PARD3: variants seen among roughly 807,000 people sequenced by gnomAD.
PARD3 encodes par-3 family cell polarity regulator, also known as partitioning defective 3 homolog.
PARD3 carries 75 observed loss-of-function variants against 155.4 expected under a neutral mutation model. That is an observed-to-expected ratio of 0.48 (90% CI 0.40 to 0.58). The LOEUF is 0.58. Among genes scored for constraint, PARD3 ranks in the 20% least tolerant of loss-of-function variants. The pLI is 0.00. For missense variants in PARD3, 1,642 were observed against 1,721.7 expected, an observed-to-expected ratio of 0.95 and a Z score of 0.82; for synonymous variants, 576 against 610.5, an observed-to-expected ratio of 0.94 and a Z score of 0.83.
Position 34,368,118 on chromosome 10 carries a change from C to T in PARD3, c.1707+4380G>A, listed in dbSNP as rs559176176. Among the ~76,000 whole-genome samples the T allele has an allele frequency of 7.9e-5, 12 of 152,178 alleles. No individual in the cohort carries two copies. The South Asian group carries it at 1.9e-3, about 24-fold the overall frequency. On this transcript the variant is annotated intron_variant, in intron 12 of 24. Transcript: ENST00000374788. ...ACAAACAATTAGCCAGGCTTGGTGG[C>T]GCATGCCTGTAATTGCAACTACTCA...
At chr10:34,334,152 T>C (rs1269611859) in intron 18 of PARD3, among the ~76,000 whole-genome samples, 1 of 151,850 alleles carries the variant, frequency 6.6e-6, no homozygotes, top group Non-Finnish European at 1.5e-5. Context: ...CTAATCTCTA[T>C]ACTTCAAGAA....
chr10:34,429,364 A>T (rs1741733967), intron 5 of PARD3, among the ~76,000 whole-genome samples: 1 of 151,932 alleles, frequency 6.6e-6, no homozygotes, highest in South Asian at 2.1e-4. Flanking sequence ...GATGAGAAGC[A>T]TTAGAACCAC....
intron 2 of PARD3, among the ~76,000 whole-genome samples, chr10:34,576,336 G>C (rs2086886470): frequency 6.6e-6 from 1 of 152,098 alleles, no homozygotes; most frequent in Non-Finnish European, 1.5e-5. Flanking sequence ...CTGCTTGCTT[G>C]TGCATTCTCT....
chr10:34,142,655 G>T (rs564709079), intron 22 of PARD3, among the ~76,000 whole-genome samples: 9 of 151,700 alleles, frequency 5.9e-5, no homozygotes, highest in African/African-American at 2.2e-4. Context: ...AGGAAGGAAG[G>T]AAGGCAGGAA....
chr10:34,716,953 T>A (rs2094530789), intron 1 of PARD3, among the ~76,000 whole-genome samples: 3 of 151,290 alleles, frequency 2.0e-5, no homozygotes, highest in Admixed American at 2.0e-4. Flanking sequence ...TAATATCAGA[T>A]TTTTTTTTGC....
intron 22 of PARD3, among the ~76,000 whole-genome samples, chr10:34,156,500 T>C (rs1214576286): frequency 6.6e-6 from 1 of 152,134 alleles, no homozygotes; most frequent in Admixed American, 6.5e-5. Flanking sequence ...ATGGTCAAAC[T>C]AAAGGTATAA....
chr10:34,123,633 C>T (rs1947124025), intron 23 of PARD3, among the ~76,000 whole-genome samples: 1 of 151,860 alleles, frequency 6.6e-6, no homozygotes, highest in African/African-American at 2.4e-5. Context: ...CAGGGTCTTG[C>T]TGTGTTGCCC....
chr10:34,262,528 A>T (rs965588445), intron 22 of PARD3, among the ~76,000 whole-genome samples: 1 of 152,120 alleles, frequency 6.6e-6, no homozygotes, highest in African/African-American at 2.4e-5. Context: ...TGCTTCCCAA[A>T]ATGTGGGGAT....
intron 11 of PARD3, among the ~76,000 whole-genome samples, chr10:34,374,648 A>C (rs1049033524): frequency 3.9e-5 from 6 of 152,122 alleles, no homozygotes; most frequent in Non-Finnish European, 7.4e-5. Flanking sequence ...AAATATCCCT[A>C]CAGTCTGATG....
Position 34,399,358 on chromosome 10 carries a change from C to A in PARD3, c.862G>T (p.Val288Leu), listed in dbSNP as rs1189802246. The A allele has an allele frequency of 1.1e-5, 17 of 1,611,416 alleles. No individual in the cohort carries two copies. Among genetic ancestry groups the A allele is most frequent in the Non-Finnish European group, 1.4e-5 (17 of 1,177,560 alleles). ...PNDGGPLGIH[V>L]VPFSARGGRT... ...CCGCCTCGAGCACTGAAAGGCACTA[C>A]GTGGATTCCCAGAGGCCCTCCATCG... is the stretch of plus-strand genomic sequence containing the variant. The change falls in exon 7 of 25, where the codon GTA becomes TTA. Residue 288 changes from valine to leucine, a missense_variant. This residue lies in a region of PARD3 where 1,529 missense variants were observed against 1,587.3 expected (regional missense o/e 0.96). Coordinates refer to ENST00000374788, the MANE Select transcript of PARD3 (RefSeq NM_001184785.2).
intron 22 of PARD3, among the ~76,000 whole-genome samples, chr10:34,151,797 A>G (rs1038132139): frequency 6.6e-5 from 10 of 152,220 alleles, no homozygotes; most frequent in African/African-American, 2.2e-4. Context: ...TGGCTCCATG[A>G]TATGGCAACA....
At chr10:34,135,009 C>T (rs546662835) in intron 22 of PARD3, among the ~76,000 whole-genome samples, 3 of 152,160 alleles carry the variant, frequency 2.0e-5, no homozygotes, top group Non-Finnish European at 4.4e-5. Flanking sequence ...ACATCCTAAT[C>T]AACTTATATT....
chr10:34,461,677 T>C (rs145069379), intron 4 of PARD3, among the ~76,000 whole-genome samples: 76 of 152,316 alleles, frequency 5.0e-4, no homozygotes, highest in African/African-American at 1.6e-3. Flanking sequence ...TCAATGTATA[T>C]AGACTACGCA....
chr10:34,611,595 C>G (rs2090893524), intron 2 of PARD3, among the ~76,000 whole-genome samples: 2 of 152,054 alleles, frequency 1.3e-5, no homozygotes, highest in Non-Finnish European at 2.9e-5. Flanking sequence ...GAATCCCTTC[C>G]TTCTAGACTT....
At chr10:34,783,015 A>T (rs574993754) in intron 1 of PARD3, among the ~76,000 whole-genome samples, 1 of 152,216 alleles carries the variant, frequency 6.6e-6, no homozygotes, top group African/African-American at 2.4e-5. Flanking sequence ...GTGAGCCACC[A>T]TGCCTGGCCA....
At chr10:34,524,077 T>C (rs2082321165) in intron 2 of PARD3, among the ~76,000 whole-genome samples, 1 of 152,160 alleles carries the variant, frequency 6.6e-6, no homozygotes, top group African/African-American at 2.4e-5. Flanking sequence ...GGCACTTACA[T>C]AAAAGAAAAA....
intron 2 of PARD3, among the ~76,000 whole-genome samples, chr10:34,605,624 C>CTA (rs1157349132): frequency 2.5e-4 from 6 of 24,288 alleles, no homozygotes; most frequent in African/African-American, 7.4e-4. Flanking sequence ...TATATATCTC[C>CTA]TATATATATA....
intron 19 of PARD3, among the ~76,000 whole-genome samples, chr10:34,322,555 A>T (rs982794009): frequency 6.6e-6 from 1 of 152,200 alleles, no homozygotes; most frequent in African/African-American, 2.4e-5. Context: ...TTTAGCAGTA[A>T]ATATCATTTT....
At chr10:34,458,124 C>T (rs937170300) in intron 4 of PARD3, among the ~76,000 whole-genome samples, 7 of 152,122 alleles carry the variant, frequency 4.6e-5, no homozygotes, top group Non-Finnish European at 8.8e-5. Context: ...TACAGTGTTA[C>T]GAATAATCAT....
Sources: allele counts gnomAD v4.1 joint callset (sites outside exome capture counted in the v4.1 genomes callset), GRCh38; gene constraint gnomAD v4.1.1; regional missense constraint gnomAD v4.1.1; transcripts MANE v1.5; gene names NCBI Gene and HGNC (gene_info 2026-07-23, HGNC 2026-07-21).